Variants in PARD3B observed in about 807,000 individuals in gnomAD.
PARD3B encodes the protein partitioning defective 3 homolog B.
PARD3B carries 103 observed loss-of-function variants against 130.2 expected under a neutral mutation model. The ratio of observed to expected loss-of-function variants is 0.79; its 90% CI spans 0.67 to 0.93. The LOEUF is 0.93. PARD3B is among the 40% of genes least tolerant of loss of function. The probability of loss-of-function intolerance (pLI) is 0.00; values close to 1 mark genes in which losing one functional copy is unlikely to be tolerated. For synonymous variants in PARD3B, 583 were observed against 553.2 expected (o/e 1.05, Z -0.76); for missense variants, 1,609 against 1,499.2 (o/e 1.07, Z -1.21).
At chr2:205,224,370 C>CAAAAAAAAAAAAAAAAAAAAAAAA (rs1231030778) in intron 15 of PARD3B, among the ~76,000 whole-genome samples, 5 of 55,980 alleles carry the variant, frequency 8.9e-5, no homozygotes, top group African/African-American at 2.5e-4. Context: ...GACTCCGTCT[C>CAAAAAAAAAAAAAAAAAAAAAAAA]AAAAAAAAAA....
rs367793125 is a variant in PARD3B, at chr2:205,594,471, G to A, written c.3261-20985G>A. ...AATGATGTGGAAATCTAGAGAGCAA[G>A]ATTTATTCACATGGGTCAGGGACCA... On this transcript the variant is annotated intron_variant, in intron 22 of 22. Transcript: ENST00000406610. Among the ~76,000 whole-genome samples the A allele has an allele frequency of 3.3e-5, 5 of 152,192 alleles. No homozygotes were observed. The East Asian group carries it at 9.7e-4, about 29-fold the overall frequency.
rs371865524 is a variant in PARD3B at position 204,994,728 on chromosome 2, G to A, written c.394+29405G>A. ...GTGTGGGAGTCTAAGTCTCTTTGTAGGTCACTCAGGACTTGCTTTATGAAT... is the reference window on the plus strand; with the variant it reads ...GTGTGGGAGTCTAAGTCTCTTTGTAAGTCACTCAGGACTTGCTTTATGAAT... On this transcript the variant is annotated intron_variant, in intron 3 of 22. Coordinates refer to ENST00000406610, the MANE Select transcript of PARD3B (RefSeq NM_001302769.2). Among the ~76,000 whole-genome samples the A allele has an allele frequency of 6.0e-4, 88 of 146,368 alleles. 1 individual carries two copies. In the East Asian group the frequency reaches 0.014, roughly 23 times the overall value.
chr2:205,440,306 G>A lies in PARD3B; in HGVS notation c.2742-64G>A. 1 of 1,458,602 alleles carries A rather than the reference G, an allele frequency of 6.9e-7. No individual in the cohort carries two copies. Among genetic ancestry groups the A allele is most frequent in the East Asian group, 2.3e-5 (1 of 43,650 alleles). 90.4% of individuals were successfully genotyped at this position (1,458,602 alleles called of 1,614,324 possible). ...GAAGAGTTAACATAAATTCAAGAGA[G>A]TATTTCATTGTATTATTATATGAAA... On this transcript the variant is annotated intron_variant, in intron 19 of 22. Coordinates refer to ENST00000406610, the MANE Select transcript of PARD3B (RefSeq NM_001302769.2). The surrounding 1 kb of genome is among the most constrained non-coding windows in gnomAD (Gnocchi z 4.2).
At chr2:204,778,586 G>T (rs2041723538) in intron 2 of PARD3B, among the ~76,000 whole-genome samples, 1 of 152,086 alleles carries the variant, frequency 6.6e-6, no homozygotes, top group Non-Finnish European at 1.5e-5. Context: ...TTCTAATGTG[G>T]TTAAGGAAGT....
chr2:205,032,052 A>G (rs552298558), intron 3 of PARD3B, among the ~76,000 whole-genome samples: 9 of 152,136 alleles, frequency 5.9e-5, no homozygotes, highest in Non-Finnish European at 4.4e-5. Context: ...TAGAACTCCA[A>G]TGTTGTTAGA....
intron 3 of PARD3B, among the ~76,000 whole-genome samples, chr2:205,027,076 A>C (rs1697087763): frequency 6.6e-6 from 1 of 152,202 alleles, no homozygotes; most frequent in Non-Finnish European, 1.5e-5. Flanking sequence ...TCCTTTGGAT[A>C]TATGGCTGGA....
intron 2 of PARD3B, among the ~76,000 whole-genome samples, chr2:204,724,489 T>C (rs1574820113): frequency 6.6e-6 from 1 of 152,294 alleles, no homozygotes; most frequent in Non-Finnish European, 1.5e-5. Flanking sequence ...CACTAATAAA[T>C]TATTGCTTTC....
intron 2 of PARD3B, among the ~76,000 whole-genome samples, chr2:204,745,093 A>G (rs980127157): frequency 6.6e-6 from 1 of 152,198 alleles, no homozygotes; most frequent in Admixed American, 6.5e-5. Context: ...TGAGGTCTCA[A>G]TGTTCTAGGC....
At chr2:204,646,307 C>T (rs2125161074) in intron 1 of PARD3B, among the ~76,000 whole-genome samples, 1 of 152,076 alleles carries the variant, frequency 6.6e-6, no homozygotes, top group South Asian at 2.1e-4. Flanking sequence ...GATTATTATT[C>T]CTTTCTTTTC....
At chr2:205,096,380 G>A (rs1040601857) in intron 4 of PARD3B, among the ~76,000 whole-genome samples, 1 of 152,038 alleles carries the variant, frequency 6.6e-6, no homozygotes, top group Non-Finnish European at 1.5e-5. Context: ...ACTGTATCTT[G>A]ATCTTCACTC....
chr2:205,460,268 A>AT lies in PARD3B; in HGVS notation c.3044+19604dup, dbSNP rs1405273936. On this transcript the variant is annotated intron_variant, in intron 20 of 22. Transcript: ENST00000406610. This position sits in a 1 kb window ranked among gnomAD's most constrained non-coding sequence, Gnocchi z 4.9. The stretch of plus-strand genomic sequence containing the variant: ...CAGTTCGTAAATTTCCTACTGGGTC[A>AT]TTTTTTTTCTGAGAGGGTATTTCTC... Among the ~76,000 whole-genome samples, 5 of 151,924 alleles carry AT rather than the reference A, an allele frequency of 3.3e-5. No individual in the cohort carries two copies. The highest frequency in any genetic ancestry group is 4.8e-5 in the African/African-American group (2 of 41,346).
intron 19 of PARD3B, among the ~76,000 whole-genome samples, chr2:205,418,873 G>A (rs929033744): frequency 2.6e-5 from 4 of 152,172 alleles, no homozygotes; most frequent in African/African-American, 9.6e-5. Context: ...TAGCAGTTGA[G>A]ACAGGCAGAT....
intron 16 of PARD3B, among the ~76,000 whole-genome samples, chr2:205,254,593 C>G (rs1344524416): frequency 6.6e-6 from 1 of 151,942 alleles, no homozygotes; most frequent in Non-Finnish European, 1.5e-5. Context: ...ATAGTATTGC[C>G]TCCTTACAAA....
chr2:204,712,024 T>C (rs184582943), intron 2 of PARD3B, among the ~76,000 whole-genome samples: 2 of 152,300 alleles, frequency 1.3e-5, no homozygotes, highest in East Asian at 3.9e-4. Context: ...CTCTAAACTT[T>C]TGTTTGGTAG....
At chr2:204,814,118 A>G (rs930783678) in intron 2 of PARD3B, among the ~76,000 whole-genome samples, 1 of 152,030 alleles carries the variant, frequency 6.6e-6, no homozygotes, top group African/African-American at 2.4e-5. Flanking sequence ...CTCTCCATTT[A>G]TTTAATGCTT....
Position 205,244,213 on chromosome 2 carries a change from C to G in PARD3B, c.2141-1565C>G, listed in dbSNP as rs940738695. Among the ~76,000 whole-genome samples the G allele has an allele frequency of 2.0e-5, 3 of 152,056 alleles. No homozygotes were observed. Among genetic ancestry groups the G allele is most frequent in the African/African-American group, 7.2e-5 (3 of 41,398 alleles). On this transcript the variant is annotated intron_variant, in intron 15 of 22. Transcript: ENST00000406610. This position sits in a 1 kb window ranked among gnomAD's most constrained non-coding sequence, Gnocchi z 4.7. Reference sequence around the variant, plus strand: ...TGTATAGTAACTGGGTCAATTAAGACTGAATGTTGTGGGCAGAGAAAAAAA... The same window carrying G: ...TGTATAGTAACTGGGTCAATTAAGAGTGAATGTTGTGGGCAGAGAAAAAAA...
Position 205,230,964 on chromosome 2 carries a change from C to T in PARD3B, c.2141-14814C>T, listed in dbSNP as rs923411514. Among the ~76,000 whole-genome samples, 7 of 152,100 alleles carry T rather than the reference C, an allele frequency of 4.6e-5. No individual in the cohort carries two copies. The highest frequency in any genetic ancestry group is 1.0e-4 in the Non-Finnish European group (7 of 68,028). ...CTCCAATCACTATGCTCTCCCTCCC[C>T]AAGGTGCACAGATTCTGTCTGTACC... is the stretch of plus-strand genomic sequence containing the variant. On this transcript the variant is annotated intron_variant, in intron 15 of 22. Transcript: ENST00000406610. This position sits in a 1 kb window ranked among gnomAD's most constrained non-coding sequence, Gnocchi z 4.1.
intron 16 of PARD3B, among the ~76,000 whole-genome samples, chr2:205,273,283 T>G (rs907095441): frequency 1.3e-5 from 2 of 152,216 alleles, no homozygotes; most frequent in African/African-American, 4.8e-5. Context: ...TGCCCTGAAT[T>G]CCCACTATTG....
At chr2:204,672,104 A>G (rs2036330797) in intron 1 of PARD3B, among the ~76,000 whole-genome samples, 1 of 152,168 alleles carries the variant, frequency 6.6e-6, no homozygotes, top group Non-Finnish European at 1.5e-5. Context: ...TGGTATAATG[A>G]TACATCATTG....
Sources: allele counts gnomAD v4.1 joint callset (sites outside exome capture counted in the v4.1 genomes callset), GRCh38; gene constraint gnomAD v4.1.1; non-coding constraint Gnocchi (gnomAD v3.1); transcripts MANE v1.5; gene names NCBI Gene and HGNC (gene_info 2026-07-23, HGNC 2026-07-21).